Variants in SGMS1 observed in about 807,000 individuals in gnomAD.
SGMS1 encodes the protein phosphatidylcholine:ceramide cholinephosphotransferase 1.
In SGMS1, 13 loss-of-function variants were observed where a neutral mutation model predicts 46.2. The ratio of observed to expected loss-of-function variants is 0.28; its 90% CI spans 0.18 to 0.45. SGMS1 has a LOEUF of 0.45. SGMS1 is among the 20% of genes least tolerant of loss of function. The pLI is 1.00. For synonymous variants in SGMS1, 203 were observed against 187.8 expected (o/e 1.08, Z -0.66); for missense variants, 324 against 519.9 (o/e 0.62, Z 3.66).
intron 6 of SGMS1, among the ~76,000 whole-genome samples, chr10:50,392,736 T>G (rs1386600377): frequency 6.6e-6 from 1 of 151,804 alleles, no homozygotes; most frequent in Non-Finnish European, 1.5e-5. Context: ...GGGAGTGAAA[T>G]GGTATGATGT....
At chr10:50,616,487 C>A (rs781074879) in intron 1 of SGMS1, among the ~76,000 whole-genome samples, 3 of 152,118 alleles carry the variant, frequency 2.0e-5, no homozygotes, top group Non-Finnish European at 2.9e-5. Context: ...CCAACATAAC[C>A]TAAGCAACAA....
intron 7 of SGMS1, among the ~76,000 whole-genome samples, chr10:50,336,837 G>T (rs1264576480): frequency 1.3e-5 from 2 of 152,096 alleles, no homozygotes; most frequent in African/African-American, 4.8e-5. Context: ...TGTTTTAAGG[G>T]TTGATTGTAT....
rs557465954 is a variant in SGMS1 at position 50,534,485 on chromosome 10, C to G, written c.-588-14564G>C. ...GATGAATGCTTCCCTACACAGGGAA[C>G]CATTATCCATCAGGAGCCTTAAATA... is the stretch of plus-strand genomic sequence containing the variant. On this transcript the variant is annotated intron_variant, in intron 2 of 10. Coordinates refer to ENST00000361781, the MANE Select transcript of SGMS1 (RefSeq NM_147156.4). Among the ~76,000 whole-genome samples, 513 of 152,254 alleles carry G rather than the reference C, an allele frequency of 3.4e-3. 3 individuals are homozygous for G. The highest frequency in any genetic ancestry group is 0.012 in the African/African-American group (488 of 41,546).
chr10:50,394,664 T>A (rs1848820186), intron 6 of SGMS1, among the ~76,000 whole-genome samples: 1 of 152,252 alleles, frequency 6.6e-6, no homozygotes, highest in African/African-American at 2.4e-5. Flanking sequence ...ACAAGTTTTT[T>A]AAATAACTGC....
At chr10:50,560,146 T>C (rs1168412383) in intron 2 of SGMS1, among the ~76,000 whole-genome samples, 3 of 146,606 alleles carry the variant, frequency 2.0e-5, no homozygotes, top group African/African-American at 7.4e-5. Flanking sequence ...ATATGTATTA[T>C]ATATAAAATA....
At chr10:50,559,255 T>C (rs2131835108) in intron 2 of SGMS1, among the ~76,000 whole-genome samples, 1 of 152,348 alleles carries the variant, frequency 6.6e-6, no homozygotes, top group African/African-American at 2.4e-5. Context: ...CTACTTTTGT[T>C]TCTTTAAGCA....
At chr10:50,472,980 T>C (rs1837391587) in intron 3 of SGMS1, 1 of 152,160 alleles carries the variant, frequency 6.6e-6, no homozygotes, top group Non-Finnish European at 1.5e-5. Context: ...ACAATGGAAA[T>C]ATGATCTAGT....
intron 2 of SGMS1, among the ~76,000 whole-genome samples, chr10:50,565,826 G>T (rs767043263): frequency 9.9e-5 from 15 of 152,224 alleles, no homozygotes; most frequent in Non-Finnish European, 7.3e-5. Context: ...TCCATCCCCG[G>T]CACCCAGTGT....
Position 50,307,278 on chromosome 10 carries a change from C to T in SGMS1, c.1106G>A (p.Trp369Ter). 1 of 1,614,046 alleles carries T rather than the reference C, an allele frequency of 6.2e-7. No homozygotes were observed. The highest frequency in any genetic ancestry group is 8.5e-7 in the Non-Finnish European group (1 of 1,179,950). ...ASQMNLLARV[W>*]WYRPFQYFEK... ...AAAGTACTGAAATGGCCTGTACCAC[C>T]ACACCCTGGCCAGGAGGTTCATCTG... The change falls in exon 11 of 11, where the codon TGG becomes TAG. Residue 369 changes from tryptophan (W) to a stop codon, truncating the protein, a stop_gained. Coordinates refer to ENST00000361781, the MANE Select transcript of SGMS1 (RefSeq NM_147156.4). LOFTEE classifies it high-confidence loss of function. The surrounding 1 kb of genome is among the most constrained non-coding windows in gnomAD (Gnocchi z 4.2).
chr10:50,519,594 C>A (rs1003336259), intron 3 of SGMS1, among the ~76,000 whole-genome samples: 2 of 152,210 alleles, frequency 1.3e-5, no homozygotes, highest in Non-Finnish European at 2.9e-5. Context: ...CACCCCGGCC[C>A]AGATTGCTTG....
intron 5 of SGMS1, among the ~76,000 whole-genome samples, chr10:50,443,896 G>A (rs1849576706): frequency 6.6e-6 from 1 of 152,004 alleles, no homozygotes; most frequent in East Asian, 1.9e-4. Flanking sequence ...CCATATTATT[G>A]TAGGTTTCTT....
chr10:50,548,192 T>C (rs988123452), intron 2 of SGMS1, among the ~76,000 whole-genome samples: 16 of 152,080 alleles, frequency 1.1e-4, no homozygotes, highest in Middle Eastern at 3.2e-3. Context: ...ATATTCTTCA[T>C]AGAACTAGAA....
chr10:50,598,454 A>G (rs1275865829), intron 1 of SGMS1, among the ~76,000 whole-genome samples: 2 of 152,244 alleles, frequency 1.3e-5, no homozygotes, highest in Non-Finnish European at 2.9e-5. Flanking sequence ...AGTGAATTTT[A>G]CTGAATTTTA....
At chr10:50,445,839 C>CT (rs1256699706) in intron 5 of SGMS1, among the ~76,000 whole-genome samples, 2 of 152,162 alleles carry the variant, frequency 1.3e-5, no homozygotes, top group African/African-American at 4.8e-5. Context: ...AGCCATATTT[C>CT]TCTTCTTTCA....
Position 50,428,308 on chromosome 10 carries a change from A to G in SGMS1, c.-232+5168T>C, listed in dbSNP as rs563213569. 2.1e-4 allele frequency among the ~76,000 whole-genome samples: 32 copies of G among 152,310 alleles called. No individual in the cohort carries two copies. The South Asian group carries it at 6.2e-3, about 30-fold the overall frequency. On this transcript the variant is annotated intron_variant, in intron 6 of 10. Transcript: ENST00000361781. Reference sequence around the variant, plus strand: ...AAAGATGGCAGAGCAGGCCATACCTATTAAAGTGTCTTCTCAGAAATGACA... The same window carrying G: ...AAAGATGGCAGAGCAGGCCATACCTGTTAAAGTGTCTTCTCAGAAATGACA...
At chr10:50,406,482 A>G (rs1849016822) in intron 6 of SGMS1, among the ~76,000 whole-genome samples, 1 of 152,172 alleles carries the variant, frequency 6.6e-6, no homozygotes, top group Non-Finnish European at 1.5e-5. Context: ...GTGTGGCACT[A>G]CAGCAACTGC....
intron 6 of SGMS1, among the ~76,000 whole-genome samples, chr10:50,427,857 A>T (rs1849349227): frequency 6.6e-6 from 1 of 152,140 alleles, no homozygotes. Flanking sequence ...ACCTTATTTG[A>T]ATTGTTAAAT....
chr10:50,350,227 TGAGA>T (rs1847984015), intron 6 of SGMS1, among the ~76,000 whole-genome samples: 1 of 152,132 alleles, frequency 6.6e-6, no homozygotes. Context: ...ACTTTGAACT[TGAGA>T]GAGACGTTTT....
intron 2 of SGMS1, among the ~76,000 whole-genome samples, chr10:50,563,229 T>C (rs750063699): frequency 1.8e-4 from 28 of 152,118 alleles, no homozygotes; most frequent in Non-Finnish European, 2.8e-4. Context: ...TTCAAACCCA[T>C]CATTCTATAG....
Sources: allele counts gnomAD v4.1 joint callset (sites outside exome capture counted in the v4.1 genomes callset), GRCh38; gene constraint gnomAD v4.1.1; non-coding constraint Gnocchi (gnomAD v3.1); transcripts MANE v1.5; gene names NCBI Gene and HGNC (gene_info 2026-07-23, HGNC 2026-07-21).